STX8: variants seen among roughly 807,000 people sequenced by gnomAD.
STX8 encodes syntaxin-8.
Under a neutral mutation model 37.5 loss-of-function variants are expected in STX8, and 23 were observed. That is an observed-to-expected ratio of 0.61 (90% CI 0.44 to 0.87). STX8 has a LOEUF of 0.87. STX8 is among the 40% of genes least tolerant of loss of function. The pLI is 0.00. For missense variants in STX8, 313 were observed against 284.7 expected (o/e 1.10, Z -0.71); for synonymous variants, 115 against 99.1 (o/e 1.16, Z -0.95).
intron 6 of STX8, among the ~76,000 whole-genome samples, chr17:9,389,921 T>C (rs1912153378): frequency 6.6e-6 from 1 of 152,090 alleles, no homozygotes; most frequent in Admixed American, 6.6e-5. Context: ...TAGGAAAAGA[T>C]ACATTCCAGA....
At chr17:9,448,889 T>C (rs1431819026) in intron 6 of STX8, among the ~76,000 whole-genome samples, 6 of 152,176 alleles carry the variant, frequency 3.9e-5, no homozygotes, top group Admixed American at 2.0e-4. Flanking sequence ...ACAGATGTTT[T>C]TGCTTTTGAA....
chr17:9,410,426 A>G (rs978529982), intron 6 of STX8, among the ~76,000 whole-genome samples: 1 of 152,212 alleles, frequency 6.6e-6, no homozygotes, highest in Admixed American at 6.5e-5. Flanking sequence ...TTTTTGTACA[A>G]ATCGGCATTT....
intron 6 of STX8, among the ~76,000 whole-genome samples, chr17:9,421,031 G>A (rs539288679): frequency 5.3e-5 from 8 of 152,124 alleles, no homozygotes; most frequent in African/African-American, 1.9e-4. Context: ...CTCCAAATTC[G>A]TTTCCCCAAC....
Position 9,334,049 on chromosome 17 carries a change from GGCAGTGA to G in STX8, c.643+44496_643+44502del, listed in dbSNP as rs564760790. 3.7e-4 allele frequency among the ~76,000 whole-genome samples: 57 copies of G among 152,016 alleles called. No homozygotes were observed. In the South Asian group the frequency reaches 0.011, roughly 30 times the overall value. On this transcript the variant is annotated intron_variant, in intron 7 of 7. Coordinates refer to ENST00000306357, the MANE Select transcript of STX8 (RefSeq NM_004853.3). Reference sequence around the variant, plus strand: ...AAAAACAATTTGGTGGGAGGGGAGGGGCAGTGAGCTGGGGAGTGCTGATTGGTTGGGT... The same window carrying G: ...AAAAACAATTTGGTGGGAGGGGAGGGGCTGGGGAGTGCTGATTGGTTGGGT...
At chr17:9,384,732 G>A (rs57316093) in intron 6 of STX8, among the ~76,000 whole-genome samples, 5,523 of 151,874 alleles carry the variant, frequency 0.036, 339 homozygotes, top group African/African-American at 0.13. Flanking sequence ...TACTAATCAA[G>A]AGAGTCTGAT....
intron 5 of STX8, among the ~76,000 whole-genome samples, chr17:9,501,829 C>T (rs1904623739): frequency 2.6e-5 from 4 of 151,920 alleles, no homozygotes; most frequent in Admixed American, 6.6e-5. Flanking sequence ...ATTAGCCAGG[C>T]ATGGTGGTGG....
At chr17:9,488,800 A>AAGAG (rs201248571) in intron 6 of STX8, among the ~76,000 whole-genome samples, 1 of 140,792 alleles carries the variant, frequency 7.1e-6, no homozygotes, top group African/African-American at 2.7e-5. Flanking sequence ...TTAAGAGAGA[A>AAGAG]AGAGAGAGAG....
At chr17:9,329,579 C>G (rs1909895128) in intron 7 of STX8, among the ~76,000 whole-genome samples, 1 of 152,232 alleles carries the variant, frequency 6.6e-6, no homozygotes, top group South Asian at 2.1e-4. Context: ...AGCCCACCCA[C>G]CTGGGTCTGA....
chr17:9,499,815 G>A (rs1904547393), intron 5 of STX8, among the ~76,000 whole-genome samples: 1 of 152,162 alleles, frequency 6.6e-6, no homozygotes, highest in African/African-American at 2.4e-5. Context: ...GCTTCCCAAG[G>A]GTGAGAATCT....
At chr17:9,284,438 T>A (rs1908003543) in intron 7 of STX8, among the ~76,000 whole-genome samples, 2 of 152,204 alleles carry the variant, frequency 1.3e-5, no homozygotes, top group Admixed American at 1.3e-4. Context: ...AATATTTTCT[T>A]CTCAATTCAT....
chr17:9,439,957 C>T lies in STX8; in HGVS notation c.541+51872G>A, dbSNP rs142107602. On this transcript the variant is annotated intron_variant, in intron 6 of 7. Transcript: ENST00000306357. ...CCGGCATATAGGGAAAATAAAAAGA[C>T]GCATGGCAAAGGGTATTCTGCAATT... Among the ~76,000 whole-genome samples the T allele has an allele frequency of 4.1e-3, 618 of 152,150 alleles. 7 individuals carry two copies. Among genetic ancestry groups the T allele is most frequent in the African/African-American group, 0.013 (558 of 41,476 alleles).
chr17:9,515,111 C>T (rs1250272071), intron 4 of STX8, among the ~76,000 whole-genome samples: 4 of 152,154 alleles, frequency 2.6e-5, no homozygotes, highest in Admixed American at 6.5e-5. Flanking sequence ...TTCTTGTTAT[C>T]GGTGCTGTTT....
chr17:9,484,843 T>G (rs1052290400), intron 6 of STX8, among the ~76,000 whole-genome samples: 1 of 151,810 alleles, frequency 6.6e-6, no homozygotes, highest in African/African-American at 2.4e-5. Context: ...AGAGAAAGTG[T>G]CAGAGGCCAG....
intron 7 of STX8, among the ~76,000 whole-genome samples, chr17:9,372,841 C>T (rs372680312): frequency 2.0e-5 from 3 of 148,116 alleles, no homozygotes; most frequent in African/African-American, 5.0e-5. Flanking sequence ...CGGTGGCTCA[C>T]GCCTGTAATC....
At position 9,288,550 on chromosome 17, in the gene STX8, T is replaced by A. The variant is rs1359391472; in HGVS notation, c.644-37905A>T. On this transcript the variant is annotated intron_variant, in intron 7 of 7. Transcript: ENST00000306357. ...GGTGGCAGGCGCCTGTAGTCCCAGCTACTCGGGAGGCTGAGGCAGGAGAAT... is the reference window on the plus strand; with the variant it reads ...GGTGGCAGGCGCCTGTAGTCCCAGCAACTCGGGAGGCTGAGGCAGGAGAAT... 3.9e-5 allele frequency among the ~76,000 whole-genome samples: 6 copies of A among 152,152 alleles called. No individual in the cohort carries two copies. In the East Asian group the frequency reaches 1.2e-3, roughly 29 times the overall value.
intron 7 of STX8, among the ~76,000 whole-genome samples, chr17:9,300,262 A>G (rs2244374): frequency 6.8e-6 from 1 of 147,530 alleles, no homozygotes; most frequent in African/African-American, 2.5e-5. Flanking sequence ...ACCTGGGAGG[A>G]GGAGGTTGCG....
intron 7 of STX8, among the ~76,000 whole-genome samples, chr17:9,279,251 T>C (rs1191327714): frequency 6.6e-6 from 1 of 152,038 alleles, no homozygotes; most frequent in Admixed American, 6.6e-5. Context: ...GAGACAGGGT[T>C]TCACCATGTT....
intron 7 of STX8, among the ~76,000 whole-genome samples, chr17:9,282,537 C>T (rs1907924347): frequency 6.6e-6 from 1 of 152,200 alleles, no homozygotes. Flanking sequence ...TATGGTAAGA[C>T]AGGGTTCAAC....
intron 6 of STX8, among the ~76,000 whole-genome samples, chr17:9,422,802 C>T (rs1226002631): frequency 1.3e-5 from 2 of 152,218 alleles, no homozygotes; most frequent in Non-Finnish European, 2.9e-5. Flanking sequence ...TCGCTGACCC[C>T]TAGTTTATAC....
Sources: gnomAD v4.1 joint callset for allele counts (sites outside exome capture counted in the v4.1 genomes callset) on GRCh38, gnomAD v4.1.1 for gene constraint, MANE v1.5 for transcripts, NCBI Gene and HGNC (gene_info 2026-07-23, HGNC 2026-07-21) for gene names.